Variants in WDHD1 observed in about 807,000 individuals in gnomAD.
WDHD1 encodes WD repeat and HMG-box DNA binding protein 1.
In WDHD1, 111 loss-of-function variants were observed where a neutral mutation model predicts 135.4. The observed-to-expected ratio is 0.82, with a 90% CI of 0.70 to 0.96. The LOEUF is 0.96. WDHD1 is among the 40% of genes least tolerant of loss of function. The pLI is 0.00. For missense variants in WDHD1, 1,351 were observed against 1,336.3 expected, an observed-to-expected ratio of 1.01 and a Z score of -0.17; for synonymous variants, 434 against 439.0, an observed-to-expected ratio of 0.99 and a Z score of 0.14.
chr14:54,965,275 C>T (rs2041322607), intron 18 of WDHD1, among the ~76,000 whole-genome samples: 1 of 152,184 alleles, frequency 6.6e-6, no homozygotes, highest in Admixed American at 6.5e-5. Context: ...ATACTATACT[C>T]CTCTCCATAA....
At chr14:54,973,852 G>A (rs1396430575) in intron 16 of WDHD1, among the ~76,000 whole-genome samples, 1 of 151,824 alleles carries the variant, frequency 6.6e-6, no homozygotes, top group Non-Finnish European at 1.5e-5. Context: ...TACTGAGTAG[G>A]ATTTTATTAA....
intron 16 of WDHD1, among the ~76,000 whole-genome samples, chr14:54,976,490 C>G (rs1052526785): frequency 2.6e-5 from 4 of 152,108 alleles, no homozygotes; most frequent in Admixed American, 2.6e-4. Flanking sequence ...AGTCACAAAG[C>G]CTGGCCAAAA....
intron 18 of WDHD1, among the ~76,000 whole-genome samples, chr14:54,965,156 G>A (rs1467809338): frequency 1.3e-5 from 2 of 152,052 alleles, no homozygotes; most frequent in Admixed American, 1.3e-4. Context: ...AACAAATATC[G>A]AGGTCTACTA....
chr14:54,993,535 G>C (rs970699646), intron 11 of WDHD1, among the ~76,000 whole-genome samples: 1 of 152,192 alleles, frequency 6.6e-6, no homozygotes, highest in African/African-American at 2.4e-5. Context: ...CAACATCAAA[G>C]AATATCCACA....
chr14:55,000,501 A>G lies in WDHD1; in HGVS notation c.942+2T>C. 1 of 1,600,586 alleles carries G rather than the reference A, an allele frequency of 6.2e-7. No homozygotes were observed. Among genetic ancestry groups the G allele is most frequent in the Non-Finnish European group, 8.5e-7 (1 of 1,173,812 alleles). ...AAACTGTTGTACCATACTCCCTTTT[A>G]CCTTACTGCTTGATGTCTTTCCACT... On this transcript the variant is annotated splice_donor_variant, in intron 10 of 25. Coordinates refer to ENST00000360586, the MANE Select transcript of WDHD1 (RefSeq NM_007086.4). LOFTEE classifies it high-confidence loss of function.
At chr14:54,974,662 C>A (rs1595083223) in intron 16 of WDHD1, among the ~76,000 whole-genome samples, 1 of 151,892 alleles carries the variant, frequency 6.6e-6, no homozygotes, top group South Asian at 2.1e-4. Context: ...ACTGTCTCTA[C>A]TAAAAATACA....
chr14:55,025,246 G>C (rs368036730), intron 2 of WDHD1, among the ~76,000 whole-genome samples: 3,683 of 148,170 alleles, frequency 0.025, 153 homozygotes, highest in African/African-American at 0.078. Flanking sequence ...CTTTGTTCAC[G>C]TGTTTGTCTG....
rs2040821882 is a variant in WDHD1 at position 54,940,450 on chromosome 14, C to T, written c.*1040G>A. The T allele has an allele frequency of 6.6e-6, 1 of 152,102 alleles. No homozygotes were observed. The highest frequency in any genetic ancestry group is 2.4e-5 in the African/African-American group (1 of 41,410). 9.4% of individuals were successfully genotyped at this position (152,102 alleles called of 1,614,324 possible). On this transcript the variant is annotated 3_prime_UTR_variant, in exon 26 of 26. Coordinates refer to ENST00000360586, the MANE Select transcript of WDHD1 (RefSeq NM_007086.4). ...AATTTTCAACATACTTTTTCCCTTT[C>T]AACCTATTAACTATCCTCAATTTTG... is the stretch of plus-strand genomic sequence containing the variant.
intron 7 of WDHD1, chr14:55,005,471 T>C (rs555413657): frequency 2.1e-5 from 12 of 565,216 alleles, no homozygotes; most frequent in African/African-American, 1.7e-4. Flanking sequence ...GACACTGACA[T>C]TGAAAGAGTT....
intron 16 of WDHD1, among the ~76,000 whole-genome samples, chr14:54,980,723 T>C (rs2041603599): frequency 1.4e-5 from 2 of 146,374 alleles, no homozygotes; most frequent in Admixed American, 1.4e-4. Flanking sequence ...GAAGAATAGC[T>C]TGAACTCAAA....
intron 16 of WDHD1, among the ~76,000 whole-genome samples, chr14:54,969,140 G>A (rs1024474826): frequency 6.6e-5 from 10 of 152,044 alleles, no homozygotes; most frequent in African/African-American, 2.2e-4. Flanking sequence ...CCAGGTTCAC[G>A]CAATTCTCCT....
chr14:54,994,756 G>A (rs1316077522), intron 11 of WDHD1, among the ~76,000 whole-genome samples: 4 of 137,190 alleles, frequency 2.9e-5, no homozygotes, highest in African/African-American at 8.3e-5. Flanking sequence ...GTGAGACTCC[G>A]CCTCAAAAAA....
At chr14:54,947,835 G>C (rs909280185) in intron 24 of WDHD1, among the ~76,000 whole-genome samples, 26 of 151,622 alleles carry the variant, frequency 1.7e-4, no homozygotes, top group African/African-American at 6.1e-4. Flanking sequence ...CAAGTGATCC[G>C]CCCACCTCAG....
Position 54,980,361 on chromosome 14 carries a change from T to C in WDHD1, c.2063+1179A>G, listed in dbSNP as rs2041597601. Among the ~76,000 whole-genome samples, 3 of 152,004 alleles carry C rather than the reference T, an allele frequency of 2.0e-5. 1 individual carries two copies. The highest frequency in any genetic ancestry group is 7.2e-5 in the African/African-American group (3 of 41,456). On this transcript the variant is annotated intron_variant, in intron 16 of 25. Coordinates refer to ENST00000360586, the MANE Select transcript of WDHD1 (RefSeq NM_007086.4). The stretch of plus-strand genomic sequence containing the variant: ...GACATAATTCAGTGGTTTTTTTGTA[T>C]ATTCACAGAATTGTGCATCTATCAA...
In WDHD1 at chr14:55,005,798, C is replaced by T. The variant is rs971723676; in HGVS notation, c.600+1482G>A. ...GGCTTTAGAATCAGCTCAATTTGGT[C>T]CTCCTAGACATCTTATTGGTACTTT... On this transcript the variant is annotated intron_variant, in intron 7 of 25. Transcript: ENST00000360586. 1.4e-4 allele frequency: 44 copies of T among 309,766 alleles called. No homozygotes were observed. In the Admixed American group the frequency reaches 1.6e-3, roughly 11 times the overall value. The allele number at this position is 309,766 out of a possible 1,614,324, so 19.2% of individuals were successfully genotyped here.
Position 55,013,591 on chromosome 14 carries a change from A to C in WDHD1, c.83T>G (p.Ile28Ser). The C allele has an allele frequency of 6.2e-7, 1 of 1,612,822 alleles. No individual in the cohort carries two copies. The highest frequency in any genetic ancestry group is 8.5e-7 in the Non-Finnish European group (1 of 1,178,878). Residue 28 changes from isoleucine (I) to serine (S), a missense_variant, in exon 3 of 26, where the codon ATT (isoleucine) becomes AGT (serine). Physicochemically the swap from Ile to Ser is moderately radical, Grantham distance 142. Transcript: ENST00000360586. ...ATCACCATCACTTCCACAAGTCACA[A>C]TAAAACTGTGAAGAAAAGACACAAA... ...EVCFDDSGSF[I>S]VTCGSDGDVR...
At chr14:55,001,123 T>C in intron 8 of WDHD1, 131 bp from the exon 9 acceptor site, 1 of 490,268 alleles carries the variant, frequency 2.0e-6, no homozygotes. Flanking sequence ...AATTCAAATT[T>C]TTATATCCCT....
chr14:54,981,772 C>T (rs1465223712), intron 15 of WDHD1, 76 bp from the exon 16 acceptor site: 3 of 879,246 alleles, frequency 3.4e-6, no homozygotes, highest in Non-Finnish European at 5.2e-6. Flanking sequence ...ATATATTATA[C>T]ATACCAAGGA....
At chr14:55,019,329 A>G (rs1181983688) in intron 2 of WDHD1, among the ~76,000 whole-genome samples, 1 of 152,180 alleles carries the variant, frequency 6.6e-6, no homozygotes, top group Non-Finnish European at 1.5e-5. Context: ...TAAACTGGGT[A>G]AGTTGTTAAT....
Sources: gnomAD v4.1 joint callset for allele counts (sites outside exome capture counted in the v4.1 genomes callset) on GRCh38, gnomAD v4.1.1 for gene constraint, MANE v1.5 for transcripts, NCBI Gene and HGNC (gene_info 2026-07-23, HGNC 2026-07-21) for gene names.